Variants in ABCB10 observed in about 807,000 individuals in gnomAD.
ABCB10 encodes ATP-binding cassette sub-family B member 10, mitochondrial.
A neutral mutation model predicts 65.4 loss-of-function variants in ABCB10; 54 were observed. The observed-to-expected ratio is 0.83, with a 90% confidence interval of 0.66 to 1.04. The LOEUF (loss-of-function observed/expected upper bound fraction) is 1.04. Ranked by LOEUF, ABCB10 falls within the 50% of genes least tolerant of loss-of-function variation. ABCB10 has a pLI of 0.00. For missense variants in ABCB10, 846 were observed against 976.6 expected (o/e 0.87, Z 1.78); for synonymous variants, 418 against 406.5 (o/e 1.03, Z -0.34).
intron 6 of ABCB10, among the ~76,000 whole-genome samples, chr1:229,534,263 T>C (rs1662652295): frequency 2.0e-5 from 3 of 152,216 alleles, no homozygotes; most frequent in Non-Finnish European, 2.9e-5. Flanking sequence ...GCTAGAACAC[T>C]GACGCCACTA....
chr1:229,530,161 G>T, intron 8 of ABCB10, 38 bp downstream of exon 8: 1 of 1,604,810 alleles, frequency 6.2e-7, no homozygotes, highest in Non-Finnish European at 8.5e-7. Context: ...CAGAGCTCGG[G>T]AGAGTCCCTC....
chr1:229,553,765 A>G (rs1322004709), intron 1 of ABCB10, among the ~76,000 whole-genome samples: 1 of 151,582 alleles, frequency 6.6e-6, no homozygotes, highest in African/African-American at 2.4e-5. Context: ...GGCATTCGTT[A>G]TCTTAAGTTC....
chr1:229,521,350 T>C (rs1662310379), intron 11 of ABCB10, among the ~76,000 whole-genome samples: 1 of 152,092 alleles, frequency 6.6e-6, no homozygotes, highest in Non-Finnish European at 1.5e-5. Flanking sequence ...TGTGTTAAAT[T>C]CTTCTACCTC....
chr1:229,526,001 G>A lies in ABCB10; in HGVS notation c.1841C>T (p.Ala614Val), dbSNP rs1037150968. The A allele has an allele frequency of 3.1e-6, 5 of 1,614,078 alleles. No homozygotes were observed. The highest frequency in any genetic ancestry group is 4.2e-6 in the Non-Finnish European group (5 of 1,180,050). Residue 614 changes from alanine to valine, a missense_variant, in exon 10 of 13, where the codon GCC becomes GTC. This residue lies in a region of ABCB10 where 632 missense variants were observed against 803.2 expected (regional missense o/e 0.79). Transcript: ENST00000344517. ...CCCTTGGGGGAAATTCCGGATGAAGGCCACTGCATTGGCCACTTCAGCCAC... is the reference window on the plus strand; with the variant it reads ...CCCTTGGGGGAAATTCCGGATGAAGACCACTGCATTGGCCACTTCAGCCAC... ...QRVAEVANAV[A>V]FIRNFPQGFN...
At chr1:229,521,894 C>A (rs1662324997) in intron 10 of ABCB10, among the ~76,000 whole-genome samples, 1 of 152,130 alleles carries the variant, frequency 6.6e-6, no homozygotes, top group African/African-American at 2.4e-5. Context: ...TGAGACAGGG[C>A]CTCACTCTGT....
rs1571962260 is a variant in ABCB10, at chr1:229,530,334, G to A, written c.1510C>T (p.Arg504Cys). ...TCCTGAAATATGGGCACCTCTGGGC[G>A]AGCTGGATAGGCAAAATGCACGTTC... The part of the protein sequence containing the change: ...FKNVHFAYPA[R>C]PEVPIFQDFS... Residue 504 changes from arginine to cysteine, a missense_variant, in exon 8 of 13, where the codon CGC becomes TGC. Transcript: ENST00000344517. 4 of 1,614,228 alleles carry A rather than the reference G, an allele frequency of 2.5e-6. No homozygotes were observed. The highest frequency in any genetic ancestry group is 1.1e-5 in the South Asian group (1 of 91,084).
intron 7 of ABCB10, 29 bp from the exon 8 acceptor site, chr1:229,530,437 T>G (rs778227621): frequency 6.2e-7 from 1 of 1,609,882 alleles, no homozygotes; most frequent in East Asian, 2.2e-5. Flanking sequence ...TATTAATTAC[T>G]TACAGCAAAA....
chr1:229,551,482 C>G (rs981305050), intron 1 of ABCB10, among the ~76,000 whole-genome samples: 1 of 152,180 alleles, frequency 6.6e-6, no homozygotes, highest in Non-Finnish European at 1.5e-5. Context: ...GTTGGATGAA[C>G]AAACAAATAA....
At chr1:229,529,904 G>A (rs1040545227) in intron 8 of ABCB10, among the ~76,000 whole-genome samples, 1 of 152,054 alleles carries the variant, frequency 6.6e-6, no homozygotes, top group South Asian at 2.1e-4. Context: ...CCCAGTAGAG[G>A]GCATGTCCAG....
At chr1:229,524,852 C>A (rs1416865638) in intron 10 of ABCB10, among the ~76,000 whole-genome samples, 1 of 151,956 alleles carries the variant, frequency 6.6e-6, no homozygotes, top group Non-Finnish European at 1.5e-5. Flanking sequence ...ACCCATAAAA[C>A]CCACAATTTT....
At chr1:229,539,846 T>G (rs963852434) in intron 5 of ABCB10, among the ~76,000 whole-genome samples, 8 of 152,198 alleles carry the variant, frequency 5.3e-5, no homozygotes. Context: ...CTACTCAGTT[T>G]GCAAAAGATA....
chr1:229,528,177 C>T (rs77831034), intron 8 of ABCB10, among the ~76,000 whole-genome samples: 4,816 of 152,180 alleles, frequency 0.032, 128 homozygotes, highest in Non-Finnish European at 0.046. Flanking sequence ...AGGTCTTTGA[C>T]GAAAAAGCAC....
chr1:229,555,708 T>G (rs1663232688), intron 1 of ABCB10, among the ~76,000 whole-genome samples: 2 of 152,264 alleles, frequency 1.3e-5, no homozygotes, highest in South Asian at 4.1e-4. Flanking sequence ...TCAGCTCAGC[T>G]TTTTTAGTGT....
chr1:229,541,065 T>C lies in ABCB10; in HGVS notation c.1057-313A>G, dbSNP rs550592839. Among the ~76,000 whole-genome samples the C allele has an allele frequency of 2.0e-5, 3 of 152,316 alleles. No individual in the cohort carries two copies. In the South Asian group the frequency reaches 6.2e-4, roughly 32 times the overall value. On this transcript the variant is annotated intron_variant, in intron 4 of 12. Coordinates refer to ENST00000344517, the MANE Select transcript of ABCB10 (RefSeq NM_012089.3). ...ACAGGAGTATATGTAGATGCAGAAA[T>C]GCATTTTTATGCAGAGAAAAAGACA...
At chr1:229,537,798 TAAACAAACAAAC>T (rs199948647) in intron 6 of ABCB10, among the ~76,000 whole-genome samples, 3 of 150,828 alleles carry the variant, frequency 2.0e-5, no homozygotes, top group East Asian at 3.9e-4. Flanking sequence ...TCCAAATAAA[TAAACAAACAAAC>T]AAACAAACAA....
In ABCB10 at chr1:229,558,240, G is replaced by A. The variant is rs1299871167; in HGVS notation, c.413C>T (p.Ala138Val). ...AGDEAWRRGP[A>V]APPGDKGRLR... Reference sequence around the variant, plus strand: ...CCGCCCCTTGTCCCCGGGAGGCGCCGCCGGCCCGCGCCGCCAGGCCTCGTC... The same window carrying A: ...CCGCCCCTTGTCCCCGGGAGGCGCCACCGGCCCGCGCCGCCAGGCCTCGTC... The change falls in exon 1 of 13, where the codon GCG (alanine) becomes GTG (valine). Residue 138 changes from alanine (A) to valine (V), a missense_variant. Physicochemically the swap from Ala to Val is moderately conservative, Grantham distance 64. Around this residue, in one of 2 missense-constraint regions of ABCB10, gnomAD observed 632 missense variants for 803.2 expected, o/e 0.79. Transcript: ENST00000344517. 1.5e-6 allele frequency: 2 copies of A among 1,336,544 alleles called. No homozygotes were observed. 82.8% of individuals were successfully genotyped at this position (1,336,544 alleles called of 1,614,324 possible).
At chr1:229,537,572 A>C (rs1662748021) in intron 6 of ABCB10, among the ~76,000 whole-genome samples, 4 of 152,128 alleles carry the variant, frequency 2.6e-5, no homozygotes, top group African/African-American at 9.7e-5. Context: ...GGATTGCCTG[A>C]GCTCAGGAGT....
intron 1 of ABCB10, chr1:229,549,979 T>C (rs2102708321): frequency 6.5e-6 from 1 of 153,180 alleles, no homozygotes; most frequent in South Asian, 2.1e-4. Flanking sequence ...GCCTCACTAG[T>C]ACTTGGATGG....
chr1:229,555,566 A>G (rs1571805400), intron 1 of ABCB10, among the ~76,000 whole-genome samples: 1 of 152,274 alleles, frequency 6.6e-6, no homozygotes, highest in South Asian at 2.1e-4. Flanking sequence ...TTCTGTTCAC[A>G]CAGTTTAGGA....
Sources: gnomAD v4.1 joint callset for allele counts (sites outside exome capture counted in the v4.1 genomes callset) on GRCh38, gnomAD v4.1.1 for gene constraint, gnomAD v4.1.1 regional missense constraint, MANE v1.5 for transcripts, NCBI Gene and HGNC (gene_info 2026-07-23, HGNC 2026-07-21) for gene names.